Variants in HACE1 observed in about 807,000 individuals in gnomAD.
HACE1 encodes the protein E3 ubiquitin-protein ligase HACE1.
In HACE1, 73 loss-of-function variants were observed where a neutral mutation model predicts 118.4. The ratio of observed to expected loss-of-function variants is 0.62; its 90% CI spans 0.51 to 0.75. The LOEUF (loss-of-function observed/expected upper bound fraction) is 0.75. Among genes scored for constraint, HACE1 ranks in the 30% least tolerant of loss-of-function variants. The pLI is 0.00. For missense variants in HACE1, 749 were observed against 1,102.2 expected (o/e 0.68, Z 4.54); for synonymous variants, 368 against 374.8 (o/e 0.98, Z 0.21).
At position 104,781,258 on chromosome 6, in the gene HACE1, A is replaced by G. The variant is rs150495908; in HGVS notation, c.1566+2828T>C. ...CCATCATTATTTATTTTGATGCTCAAATTCTTCCAAATTTGGTAGTGGGAG... is the reference window on the plus strand; with the variant it reads ...CCATCATTATTTATTTTGATGCTCAGATTCTTCCAAATTTGGTAGTGGGAG... On this transcript the variant is annotated intron_variant, in intron 14 of 23. Coordinates refer to ENST00000262903, the MANE Select transcript of HACE1 (RefSeq NM_020771.4). Among the ~76,000 whole-genome samples the G allele has an allele frequency of 8.6e-3, 1,302 of 152,252 alleles. 11 individuals carry two copies. The highest frequency in any genetic ancestry group is 9.2e-3 in the Non-Finnish European group (625 of 68,026).
chr6:104,853,920 T>G (rs1255791762), intron 1 of HACE1, among the ~76,000 whole-genome samples: 2 of 152,136 alleles, frequency 1.3e-5, no homozygotes, highest in Non-Finnish European at 2.9e-5. Flanking sequence ...ATTTATAAAT[T>G]GGGCACAGTA....
At position 104,796,978 on chromosome 6, in the gene HACE1, T is replaced by G. The variant is rs200547628; in HGVS notation, c.665A>C (p.Lys222Thr). 3 of 1,605,616 alleles carry G rather than the reference T, an allele frequency of 1.9e-6. No homozygotes were observed. The highest frequency in any genetic ancestry group is 3.3e-5 in the Admixed American group (2 of 60,008). Residue 222 changes from lysine (K) to threonine (T), a missense_variant, in exon 8 of 24, where the codon AAA becomes ACA. Coordinates refer to ENST00000262903, the MANE Select transcript of HACE1 (RefSeq NM_020771.4). ...TACTCCATTTTTATCTGGCAGATAT[T>G]TGGCTCCTCGTAATAGTAGGATCTG... ...TAQILLLRGA[K>T]YLPDKNGVTP...
At chr6:104,765,776 A>C (rs1779938650) in intron 19 of HACE1, among the ~76,000 whole-genome samples, 1 of 152,192 alleles carries the variant, frequency 6.6e-6, no homozygotes, top group Non-Finnish European at 1.5e-5. Context: ...CTTTAAATAC[A>C]CAATTGAGAT....
chr6:104,819,212 G>A lies in HACE1; in HGVS notation c.535-7819C>T, dbSNP rs564855084. Among the ~76,000 whole-genome samples, 273 of 152,288 alleles carry A rather than the reference G, an allele frequency of 1.8e-3. 2 individuals carry two copies. Among genetic ancestry groups the A allele is most frequent in the Admixed American group, 2.7e-3 (41 of 15,298 alleles). ...CAAAGTCTCAGAATACAAAACCAACGTGGAAAAATCACTAGCATTCCTATA... is the reference window on the plus strand; with the variant it reads ...CAAAGTCTCAGAATACAAAACCAACATGGAAAAATCACTAGCATTCCTATA... On this transcript the variant is annotated intron_variant, in intron 6 of 23. Coordinates refer to ENST00000262903, the MANE Select transcript of HACE1 (RefSeq NM_020771.4).
At chr6:104,829,287 A>G (rs1240092561) in intron 6 of HACE1, among the ~76,000 whole-genome samples, 1 of 152,114 alleles carries the variant, frequency 6.6e-6, no homozygotes, top group Non-Finnish European at 1.5e-5. Flanking sequence ...ATAAATCAGT[A>G]ACCTTTATCC....
chr6:104,763,443 T>C (rs557806934), intron 19 of HACE1, among the ~76,000 whole-genome samples: 4 of 152,282 alleles, frequency 2.6e-5, no homozygotes, highest in East Asian at 1.9e-4. Context: ...ATTTGTTTCA[T>C]TGAACCATCA....
intron 1 of HACE1, among the ~76,000 whole-genome samples, chr6:104,853,524 C>T (rs142199391): frequency 7.0e-4 from 107 of 152,188 alleles, no homozygotes; most frequent in Non-Finnish European, 1.1e-3. Context: ...AGATGAAACC[C>T]TGACAACCCC....
At chr6:104,859,545 C>G (rs1777100569) in intron 1 of HACE1, 22 bp downstream of exon 1, 1 of 1,507,412 alleles carries the variant, frequency 6.6e-7, no homozygotes, top group Non-Finnish European at 8.8e-7. Flanking sequence ...CGCGGCCAGC[C>G]TGGCCCCGCG....
chr6:104,768,719 C>G (rs1023531626), intron 19 of HACE1, among the ~76,000 whole-genome samples: 6 of 151,948 alleles, frequency 3.9e-5, no homozygotes, highest in Admixed American at 2.6e-4. Flanking sequence ...AAAAAGTTAG[C>G]CTCTAATCAA....
chr6:104,810,151 AT>A (rs1771445084), intron 7 of HACE1, among the ~76,000 whole-genome samples: 1 of 152,130 alleles, frequency 6.6e-6, no homozygotes, highest in Admixed American at 6.5e-5. Flanking sequence ...AAATGATGAT[AT>A]TATTCATAAA....
chr6:104,808,183 C>T (rs1771226113), intron 7 of HACE1, among the ~76,000 whole-genome samples: 2 of 149,892 alleles, frequency 1.3e-5, no homozygotes, highest in African/African-American at 4.9e-5. Flanking sequence ...GAGGCTCTGT[C>T]TCAAAAATTA....
chr6:104,800,263 T>TA (rs1770170924), intron 7 of HACE1, among the ~76,000 whole-genome samples: 1 of 152,104 alleles, frequency 6.6e-6, no homozygotes, highest in Non-Finnish European at 1.5e-5. Context: ...ACTGCCTCCA[T>TA]AGACTCCACT....
At chr6:104,810,875 A>C (rs1317875086) in intron 7 of HACE1, among the ~76,000 whole-genome samples, 1 of 152,084 alleles carries the variant, frequency 6.6e-6, no homozygotes, top group Non-Finnish European at 1.5e-5. Context: ...GCTCTGGATC[A>C]AGATATATTC....
At chr6:104,775,666 T>G (rs887993164) in intron 17 of HACE1, among the ~76,000 whole-genome samples, 1 of 152,168 alleles carries the variant, frequency 6.6e-6, no homozygotes, top group African/African-American at 2.4e-5. Flanking sequence ...GAGCAAAGAA[T>G]TAAAGGTTAC....
chr6:104,840,386 T>C (rs575804026), intron 5 of HACE1, among the ~76,000 whole-genome samples: 2 of 152,304 alleles, frequency 1.3e-5, no homozygotes, highest in South Asian at 2.1e-4. Context: ...AATGTGCTTA[T>C]ACACCACAGG....
chr6:104,765,320 T>C (rs935878228), intron 19 of HACE1, among the ~76,000 whole-genome samples: 4 of 152,200 alleles, frequency 2.6e-5, no homozygotes, highest in Admixed American at 6.5e-5. Context: ...CTTGAAGAGA[T>C]TGAGAACACA....
chr6:104,751,742 CTATT>C (rs1212986432), intron 19 of HACE1, among the ~76,000 whole-genome samples: 2 of 151,984 alleles, frequency 1.3e-5, no homozygotes, highest in Non-Finnish European at 2.9e-5. Context: ...CACATATAAA[CTATT>C]AGGTTATCAT....
intron 22 of HACE1, among the ~76,000 whole-genome samples, chr6:104,737,637 G>C (rs1476368834): frequency 6.6e-6 from 1 of 152,168 alleles, no homozygotes. Context: ...AAAAAACGGC[G>C]CACCACGAGA....
At chr6:104,849,852 A>G (rs113223055) in intron 3 of HACE1, among the ~76,000 whole-genome samples, 5,177 of 149,386 alleles carry the variant, frequency 0.035, 280 homozygotes, top group African/African-American at 0.12. Flanking sequence ...GGGTTTCACC[A>G]TGTTAGCCAG....
Sources: allele counts gnomAD v4.1 joint callset (sites outside exome capture counted in the v4.1 genomes callset), GRCh38; gene constraint gnomAD v4.1.1; transcripts MANE v1.5; gene names NCBI Gene and HGNC (gene_info 2026-07-23, HGNC 2026-07-21).